NALCN: variants seen among roughly 807,000 people sequenced by gnomAD.
NALCN encodes the protein sodium leak channel NALCN.
NALCN carries 111 observed loss-of-function variants against 225.3 expected under a neutral mutation model. That is an observed-to-expected ratio of 0.49 (90% CI 0.42 to 0.58). The LOEUF (loss-of-function observed/expected upper bound fraction) is 0.58. Among genes scored for constraint, NALCN ranks in the 20% least tolerant of loss-of-function variants. The probability of loss-of-function intolerance (pLI) is 0.00; values close to 1 mark genes in which losing one functional copy is unlikely to be tolerated. For synonymous variants in NALCN, 764 were observed against 769.0 expected, an observed-to-expected ratio of 0.99 and a Z score of 0.11; for missense variants, 1,378 against 2,202.4, an observed-to-expected ratio of 0.63 and a Z score of 7.49.
At chr13:101,216,152 A>G (rs763042866) in intron 13 of NALCN, among the ~76,000 whole-genome samples, 1 of 152,168 alleles carries the variant, frequency 6.6e-6, no homozygotes, top group Non-Finnish European at 1.5e-5. Context: ...ATGCAATATA[A>G]TATGTAGTTG....
chr13:101,283,353 T>C (rs1163869878), intron 10 of NALCN, among the ~76,000 whole-genome samples: 1 of 152,160 alleles, frequency 6.6e-6, no homozygotes, highest in Non-Finnish European at 1.5e-5. Context: ...TTGTTGTCAA[T>C]GGCAGCTTGG....
chr13:101,305,013 C>T (rs1443004326), intron 7 of NALCN, among the ~76,000 whole-genome samples: 4 of 151,990 alleles, frequency 2.6e-5, no homozygotes, highest in African/African-American at 4.8e-5. Context: ...CCTCAGCCTC[C>T]CAAAGTGCTG....
At chr13:101,128,925 T>C (rs1481150411) in intron 17 of NALCN, among the ~76,000 whole-genome samples, 5 of 152,168 alleles carry the variant, frequency 3.3e-5, no homozygotes, top group Non-Finnish European at 7.3e-5. Flanking sequence ...TTCTTCTGTC[T>C]TCTATTTTCT....
rs78573258 is a variant in NALCN at position 101,310,472 on chromosome 13, C to T, written c.800-18106G>A. On this transcript the variant is annotated intron_variant, in intron 7 of 43. Transcript: ENST00000251127. ...CTTCCCCAGAGAGCCATGTGACTTG[C>T]CCCTTCCCAACTACTACATTTTCCT... is the stretch of plus-strand genomic sequence containing the variant. 5.7e-3 allele frequency among the ~76,000 whole-genome samples: 873 copies of T among 152,200 alleles called. 12 individuals are homozygous for T. The highest frequency in any genetic ancestry group is 0.02 in the African/African-American group (823 of 41,516).
intron 22 of NALCN, among the ~76,000 whole-genome samples, chr13:101,105,306 A>G (rs2035036919): frequency 6.6e-6 from 1 of 152,162 alleles, no homozygotes; most frequent in African/African-American, 2.4e-5. Context: ...TAGTTCAAGA[A>G]TGTTAGTTAT....
At chr13:101,344,105 A>C (rs886841209) in intron 7 of NALCN, among the ~76,000 whole-genome samples, 9 of 151,924 alleles carry the variant, frequency 5.9e-5, no homozygotes, top group Non-Finnish European at 1.0e-4. Flanking sequence ...GCCTATATAC[A>C]TCTCGCCTCC....
At chr13:101,391,189 T>C (rs1046244462) in intron 3 of NALCN, among the ~76,000 whole-genome samples, 12 of 151,152 alleles carry the variant, frequency 7.9e-5, no homozygotes, top group African/African-American at 2.9e-4. Context: ...AAACAAAAAA[T>C]ACTGCTAGCC....
intron 22 of NALCN, among the ~76,000 whole-genome samples, chr13:101,106,851 G>T (rs988599805): frequency 2.0e-5 from 3 of 152,038 alleles, no homozygotes; most frequent in African/African-American, 7.2e-5. Flanking sequence ...TTTATCAGTG[G>T]CATGAAAATG....
chr13:101,172,002 T>A (rs967819317), intron 15 of NALCN, among the ~76,000 whole-genome samples: 4 of 152,216 alleles, frequency 2.6e-5, no homozygotes, highest in African/African-American at 9.6e-5. Context: ...ACATTTTATT[T>A]AGCAGGTGCG....
chr13:101,289,437 C>T lies in NALCN; in HGVS notation c.1047+2553G>A, dbSNP rs75322979. 2.5e-3 allele frequency among the ~76,000 whole-genome samples: 385 copies of T among 151,980 alleles called. 2 individuals carry two copies. Among genetic ancestry groups the T allele is most frequent in the African/African-American group, 8.6e-3 (358 of 41,456 alleles). On this transcript the variant is annotated intron_variant, in intron 9 of 43. Coordinates refer to ENST00000251127, the MANE Select transcript of NALCN (RefSeq NM_052867.4). ...ACAGTTCTCATCACAGATTTCCTTT[C>T]GCCTCCCTTGAAATGGTCCCTGTCA...
At chr13:101,220,286 C>T (rs2040887624) in intron 13 of NALCN, among the ~76,000 whole-genome samples, 1 of 152,294 alleles carries the variant, frequency 6.6e-6, no homozygotes, top group Non-Finnish European at 1.5e-5. Context: ...ACCTTAAGCA[C>T]TCAACCACTG....
chr13:101,128,510 A>T (rs1347627971), intron 17 of NALCN, among the ~76,000 whole-genome samples: 1 of 151,970 alleles, frequency 6.6e-6, no homozygotes, highest in Admixed American at 6.6e-5. Flanking sequence ...TTCCCCTTAA[A>T]ATAGAGAAAC....
intron 14 of NALCN, among the ~76,000 whole-genome samples, chr13:101,185,714 G>T (rs1189153362): frequency 6.6e-6 from 1 of 152,196 alleles, no homozygotes; most frequent in African/African-American, 2.4e-5. Context: ...GCCCCCAGGG[G>T]TGATGAAATA....
Position 101,148,308 on chromosome 13 carries a change from G to A in NALCN, c.1840-3412C>T, listed in dbSNP as rs1024379302. Among the ~76,000 whole-genome samples, 10 of 152,220 alleles carry A rather than the reference G, an allele frequency of 6.6e-5. No homozygotes were observed. The East Asian group carries it at 9.7e-4, about 15-fold the overall frequency. Reference sequence around the variant, plus strand: ...TTTCTCATGATTCTCAGCCATGCTCGGAGTTCCCTGGCTTGTAGCTGTAAC... The same window carrying A: ...TTTCTCATGATTCTCAGCCATGCTCAGAGTTCCCTGGCTTGTAGCTGTAAC... On this transcript the variant is annotated intron_variant, in intron 15 of 43. Transcript: ENST00000251127.
chr13:101,083,325 G>T (rs1594167652), intron 31 of NALCN, 127 bp from the exon 32 acceptor site: 1 of 788,618 alleles, frequency 1.3e-6, no homozygotes, highest in Non-Finnish European at 2.0e-6. Flanking sequence ...TCCGTCTATT[G>T]TGAGGTGTTT....
At chr13:101,189,733 T>A (rs2039606414) in intron 14 of NALCN, among the ~76,000 whole-genome samples, 3 of 152,332 alleles carry the variant, frequency 2.0e-5, no homozygotes, top group Middle Eastern at 6.8e-3. Flanking sequence ...TTTTAAAAAG[T>A]GTGAATAAAA....
Position 101,243,350 on chromosome 13 carries a change from A to C in NALCN, c.1267-5428T>G, listed in dbSNP as rs1307568029. The stretch of plus-strand genomic sequence containing the variant: ...TGGACATTTTTAGTTGAAGTTACAG[A>C]AATTGTATTTTGTGCCCTGCTTACT... On this transcript the variant is annotated intron_variant, in intron 11 of 43. Transcript: ENST00000251127. Among the ~76,000 whole-genome samples the C allele has an allele frequency of 3.9e-5, 4 of 103,542 alleles. 2 individuals are homozygous for C. The highest frequency in any genetic ancestry group is 8.5e-5 in the Non-Finnish European group (4 of 46,818). 67.9% of individuals were successfully genotyped at this position (103,542 alleles called of 152,430 possible). A position where few individuals can be genotyped will look rare whatever the true frequency, so the allele number is the denominator to read the frequency against.
chr13:101,352,121 T>TG (rs2045923697), intron 6 of NALCN, among the ~76,000 whole-genome samples: 1 of 152,178 alleles, frequency 6.6e-6, no homozygotes, highest in Non-Finnish European at 1.5e-5. Flanking sequence ...CCACACAGCA[T>TG]GCTAGGAATG....
intron 10 of NALCN, among the ~76,000 whole-genome samples, chr13:101,270,409 G>A (rs1368169010): frequency 1.3e-5 from 2 of 152,056 alleles, no homozygotes; most frequent in African/African-American, 2.4e-5. Flanking sequence ...AGTATTAAAC[G>A]GTGGGCAGTT....
Sources: allele counts gnomAD v4.1 joint callset (sites outside exome capture counted in the v4.1 genomes callset), GRCh38; gene constraint gnomAD v4.1.1; transcripts MANE v1.5; gene names NCBI Gene and HGNC (gene_info 2026-07-23, HGNC 2026-07-21).